Variants in PPP3CA observed in about 807,000 individuals in gnomAD.
PPP3CA encodes protein phosphatase 3 catalytic subunit alpha.
A neutral mutation model predicts 66.5 loss-of-function variants in PPP3CA; 14 were observed. That is an observed-to-expected ratio of 0.21 (90% CI 0.14 to 0.33). The LOEUF (loss-of-function observed/expected upper bound fraction) is 0.33, where lower values mean the gene tolerates loss of function less well. PPP3CA is among the 10% of genes least tolerant of loss of function. PPP3CA has a pLI of 1.00. For missense variants in PPP3CA, 317 were observed against 639.5 expected (o/e 0.50, Z 5.44); for synonymous variants, 232 against 226.2 (o/e 1.03, Z -0.23).
rs751350117 is a variant in PPP3CA, at chr4:101,024,959, T to TA, written c.*905dup. The stretch of plus-strand genomic sequence containing the variant: ...TGCATAGGCAGATTTTTTTTTTTTT[T>TA]ACAGAATATAGATGCTTTATCACTG... On this transcript the variant is annotated 3_prime_UTR_variant, in exon 14 of 14. Coordinates refer to ENST00000394854, the MANE Select transcript of PPP3CA (RefSeq NM_000944.5). 6.6e-6 allele frequency: 1 copy of TA among 152,134 alleles called. No homozygotes were observed. The highest frequency in any genetic ancestry group is 2.4e-5 in the African/African-American group (1 of 41,196). 9.4% of individuals were successfully genotyped at this position (152,134 alleles called of 1,614,324 possible). A position where few individuals can be genotyped will look rare whatever the true frequency, so the allele number is the denominator to read the frequency against.
chr4:101,067,810 T>TATAATAATAATAATA (rs143876116), intron 8 of PPP3CA, among the ~76,000 whole-genome samples: 1 of 147,054 alleles, frequency 6.8e-6, no homozygotes, highest in Non-Finnish European at 1.5e-5. Flanking sequence ...AAACTTAAAG[T>TATAATAATAATAATA]ATAATAATAA....
intron 1 of PPP3CA, among the ~76,000 whole-genome samples, chr4:101,317,343 T>C (rs1728914506): frequency 1.3e-5 from 2 of 151,774 alleles, no homozygotes; most frequent in South Asian, 4.1e-4. Context: ...TTCTAATAAT[T>C]CAATCTATTC....
chr4:101,229,138 C>T (rs1310759809), intron 1 of PPP3CA, among the ~76,000 whole-genome samples: 2 of 151,548 alleles, frequency 1.3e-5, no homozygotes, highest in Non-Finnish European at 3.0e-5. Context: ...GGTACAAGAA[C>T]ACAAAACATT....
chr4:101,163,692 G>C (rs1183200526), intron 2 of PPP3CA, among the ~76,000 whole-genome samples: 1 of 152,100 alleles, frequency 6.6e-6, no homozygotes, highest in African/African-American at 2.4e-5. Flanking sequence ...GTAGGTGTTA[G>C]GATACATATT....
chr4:101,111,788 T>C (rs567638610), intron 2 of PPP3CA, among the ~76,000 whole-genome samples: 16 of 152,260 alleles, frequency 1.1e-4, no homozygotes, highest in Non-Finnish European at 1.5e-4. Flanking sequence ...ATTAAATGTG[T>C]TAATATCGTA....
chr4:101,220,299 G>GTTT (rs33967695), intron 1 of PPP3CA, among the ~76,000 whole-genome samples: 5,316 of 147,484 alleles, frequency 0.036, 225 homozygotes, highest in African/African-American at 0.1. Flanking sequence ...TTGACAGCAC[G>GTTT]TTTTTTTTTT....
chr4:101,081,094 C>A (rs1013217000), intron 7 of PPP3CA, among the ~76,000 whole-genome samples: 3 of 152,054 alleles, frequency 2.0e-5, no homozygotes, highest in African/African-American at 7.2e-5. Context: ...TTCTGTAAAG[C>A]ATTTTGCCTA....
intron 1 of PPP3CA, among the ~76,000 whole-genome samples, chr4:101,201,001 G>C (rs2110195724): frequency 6.6e-6 from 1 of 152,210 alleles, no homozygotes; most frequent in South Asian, 2.1e-4. Context: ...TCCACAGTTA[G>C]CACTGTATTT....
intron 1 of PPP3CA, among the ~76,000 whole-genome samples, chr4:101,221,707 C>T (rs956306078): frequency 9.2e-5 from 14 of 151,548 alleles, no homozygotes; most frequent in Admixed American, 6.6e-4. Flanking sequence ...ATTCATGGTT[C>T]GTGAATGTCA....
chr4:101,309,935 TTAA>T (rs1728671854), intron 1 of PPP3CA, among the ~76,000 whole-genome samples: 2 of 152,250 alleles, frequency 1.3e-5, no homozygotes, highest in Non-Finnish European at 2.9e-5. Flanking sequence ...ATTCAACATT[TTAA>T]TTCTGTATTC....
rs188132730 is a variant in PPP3CA at position 101,227,690 on chromosome 4, T to C, written c.59-31574A>G. On this transcript the variant is annotated intron_variant, in intron 1 of 13. Transcript: ENST00000394854. ...TCCAGGTAATAAGCACAGTACCCAA[T>C]AGGTAGTTTTTCAATCCTCACCCTC... Among the ~76,000 whole-genome samples, 161 of 151,726 alleles carry C rather than the reference T, an allele frequency of 1.1e-3. 1 individual carries two copies. Among genetic ancestry groups the C allele is most frequent in the African/African-American group, 3.6e-3 (151 of 41,482 alleles).
chr4:101,297,468 G>A (rs568703583), intron 1 of PPP3CA, among the ~76,000 whole-genome samples: 31 of 152,252 alleles, frequency 2.0e-4, no homozygotes, highest in African/African-American at 5.5e-4. Flanking sequence ...AATGTTAACA[G>A]ATCCATGTAA....
intron 2 of PPP3CA, among the ~76,000 whole-genome samples, chr4:101,175,263 T>C (rs765495901): frequency 7.9e-5 from 12 of 152,196 alleles, no homozygotes; most frequent in Non-Finnish European, 1.8e-4. Flanking sequence ...AGACTAAAGT[T>C]GACAGCTTGA....
intron 1 of PPP3CA, among the ~76,000 whole-genome samples, chr4:101,316,998 G>A (rs1171715313): frequency 6.6e-6 from 1 of 152,018 alleles, no homozygotes; most frequent in Admixed American, 6.6e-5. Flanking sequence ...CACATACACA[G>A]AGTAAACATA....
chr4:101,233,036 GT>G (rs1553934614), intron 1 of PPP3CA, among the ~76,000 whole-genome samples: 3 of 37,504 alleles, frequency 8.0e-5, no homozygotes, highest in South Asian at 1.9e-3. Flanking sequence ...GCTTTACTTT[GT>G]TTTTTAATCT....
chr4:101,162,552 T>C (rs1051289497), intron 2 of PPP3CA, among the ~76,000 whole-genome samples: 1 of 139,906 alleles, frequency 7.1e-6, no homozygotes, highest in African/African-American at 2.9e-5. Context: ...AATAAATAAA[T>C]AAATAAATAA....
At chr4:101,128,220 A>G (rs183009954) in intron 2 of PPP3CA, among the ~76,000 whole-genome samples, 48 of 152,332 alleles carry the variant, frequency 3.2e-4, no homozygotes, top group African/African-American at 1.0e-3. Flanking sequence ...ATACCACTAC[A>G]GGATGACTAG....
chr4:101,339,779 C>T (rs1729750902), intron 1 of PPP3CA, among the ~76,000 whole-genome samples: 2 of 152,178 alleles, frequency 1.3e-5, no homozygotes, highest in South Asian at 4.1e-4. Context: ...CAAACTAAAA[C>T]TCTGAATACA....
intron 3 of PPP3CA, among the ~76,000 whole-genome samples, chr4:101,103,487 C>G (rs1320619601): frequency 6.6e-6 from 1 of 152,178 alleles, no homozygotes; most frequent in Non-Finnish European, 1.5e-5. Context: ...TACAGGGAGA[C>G]AGCCAGGCAA....
Sources: allele counts gnomAD v4.1 joint callset (sites outside exome capture counted in the v4.1 genomes callset), GRCh38; gene constraint gnomAD v4.1.1; transcripts MANE v1.5; gene names NCBI Gene and HGNC (gene_info 2026-07-23, HGNC 2026-07-21).